Variants in CADPS2 observed in about 807,000 individuals in gnomAD.
The protein encoded by CADPS2 is calcium-dependent secretion activator 2.
Under a neutral mutation model 172.5 loss-of-function variants are expected in CADPS2, and 93 were observed. That is an observed-to-expected ratio of 0.54 (90% confidence interval 0.46 to 0.64). CADPS2 has a LOEUF of 0.64. Ranked by LOEUF, CADPS2 falls within the 30% of genes least tolerant of loss-of-function variation. The probability of loss-of-function intolerance (pLI) is 0.00; values close to 1 mark genes in which losing one functional copy is unlikely to be tolerated. For missense variants in CADPS2, 1,420 were observed against 1,565.9 expected (o/e 0.91, Z 1.57); for synonymous variants, 546 against 555.2 (o/e 0.98, Z 0.23).
rs372637509 is a variant in CADPS2 at position 122,883,238 on chromosome 7, G to C, written c.339+2761C>G. On this transcript the variant is annotated intron_variant, in intron 1 of 29. Coordinates refer to ENST00000449022, the MANE Select transcript of CADPS2 (RefSeq NM_017954.11). ...AGTTCTGGTTCATAGAAACTCACCA[G>C]CTCTAATAGTGAACGGGCTTTGACT... 1.2e-3 allele frequency among the ~76,000 whole-genome samples: 182 copies of C among 152,236 alleles called. 1 individual carries two copies. The highest frequency in any genetic ancestry group is 4.1e-3 in the African/African-American group (171 of 41,528).
intron 3 of CADPS2, 144 bp from the exon 4 acceptor site, chr7:122,629,472 G>T: frequency 2.2e-6 from 1 of 464,538 alleles, no homozygotes; most frequent in Non-Finnish European, 3.7e-6. Context: ...CTATTACAAA[G>T]AGAATACAGG....
chr7:122,497,351 T>C (rs1381866489), intron 9 of CADPS2, among the ~76,000 whole-genome samples: 1 of 152,188 alleles, frequency 6.6e-6, no homozygotes, highest in Non-Finnish European at 1.5e-5. Context: ...TTATCTTATC[T>C]TGCCCTTTGT....
intron 11 of CADPS2, 65 bp downstream of exon 11, chr7:122,490,016 G>C (rs1271938712): frequency 1.5e-6 from 2 of 1,348,708 alleles, no homozygotes; most frequent in East Asian, 2.4e-5. Flanking sequence ...GAATACATTT[G>C]CCTCAATTTT....
At chr7:122,321,870 G>A (rs1400815985) in intron 29 of CADPS2, among the ~76,000 whole-genome samples, 2 of 152,148 alleles carry the variant, frequency 1.3e-5, no homozygotes, top group Non-Finnish European at 2.9e-5. Flanking sequence ...TTTTAAAGTA[G>A]GAGAAAAAGT....
chr7:122,423,621 C>T (rs1286847710), intron 17 of CADPS2, among the ~76,000 whole-genome samples: 2 of 152,112 alleles, frequency 1.3e-5, no homozygotes, highest in East Asian at 1.9e-4. Context: ...TGACTGAAAC[C>T]CAAATGATAT....
chr7:122,490,027 A>G (rs576761858), intron 11 of CADPS2, 54 bp downstream of exon 11: 3 of 1,486,200 alleles, frequency 2.0e-6, no homozygotes, highest in Admixed American at 3.5e-5. Context: ...CCTCAATTTT[A>G]TATCTTATTA....
At chr7:122,668,571 T>C (rs764922048) in intron 2 of CADPS2, among the ~76,000 whole-genome samples, 6 of 152,024 alleles carry the variant, frequency 3.9e-5, no homozygotes, top group Admixed American at 3.9e-4. Flanking sequence ...AGGAGACGGT[T>C]TCAGAATAAG....
intron 1 of CADPS2, among the ~76,000 whole-genome samples, chr7:122,856,220 A>G (rs1815162810): frequency 1.3e-5 from 2 of 152,290 alleles, no homozygotes; most frequent in East Asian, 1.9e-4. Context: ...TTAAGTTACT[A>G]TTAGACATGC....
At chr7:122,463,357 T>C (rs574258502) in intron 14 of CADPS2, among the ~76,000 whole-genome samples, 2 of 152,088 alleles carry the variant, frequency 1.3e-5, no homozygotes, top group African/African-American at 4.8e-5. Context: ...TCTCGCTCTG[T>C]TGCCCAGGCT....
At chr7:122,630,874 G>T (rs2076512262) in intron 3 of CADPS2, among the ~76,000 whole-genome samples, 1 of 151,942 alleles carries the variant, frequency 6.6e-6, no homozygotes, top group Non-Finnish European at 1.5e-5. Context: ...AAACAGGCAA[G>T]ATTTTCTTAA....
At chr7:122,408,766 CA>C (rs1167462536) in intron 19 of CADPS2, among the ~76,000 whole-genome samples, 1 of 151,902 alleles carries the variant, frequency 6.6e-6, no homozygotes, top group African/African-American at 2.4e-5. Context: ...ATACAAACCA[CA>C]AAAAAGGGGA....
intron 17 of CADPS2, among the ~76,000 whole-genome samples, chr7:122,435,827 TA>T (rs921648236): frequency 6.6e-6 from 1 of 152,002 alleles, no homozygotes; most frequent in Non-Finnish European, 1.5e-5. Context: ...TATTCAGCCT[TA>T]AAAAAACAAA....
chr7:122,705,562 A>G (rs868302358), intron 2 of CADPS2, among the ~76,000 whole-genome samples: 24 of 103,376 alleles, frequency 2.3e-4, no homozygotes, highest in Middle Eastern at 4.8e-3. Context: ...TATTTATATT[A>G]TATATTATCT....
At chr7:122,568,808 G>A (rs558963336) in intron 7 of CADPS2, among the ~76,000 whole-genome samples, 2 of 152,060 alleles carry the variant, frequency 1.3e-5, no homozygotes, top group African/African-American at 4.8e-5. Context: ...CCAAGAACCT[G>A]AGCCAAAAAG....
At chr7:122,762,447 G>T (rs2093420178) in intron 1 of CADPS2, among the ~76,000 whole-genome samples, 1 of 152,100 alleles carries the variant, frequency 6.6e-6, no homozygotes, top group Admixed American at 6.6e-5. Context: ...GCAAATCATT[G>T]TAATACAAAG....
intron 15 of CADPS2, 25 bp from the exon 16 acceptor site, chr7:122,441,600 A>G (rs2051364348): frequency 2.1e-6 from 3 of 1,463,222 alleles, no homozygotes; most frequent in Non-Finnish European, 2.8e-6. Context: ...GAAAGAACAA[A>G]AGAGTCAAAC....
At chr7:122,675,754 G>A (rs1304872352) in intron 2 of CADPS2, among the ~76,000 whole-genome samples, 2 of 152,112 alleles carry the variant, frequency 1.3e-5, no homozygotes, top group East Asian at 1.9e-4. Flanking sequence ...TCACTCATAA[G>A]TGGGAGCTAA....
intron 2 of CADPS2, chr7:122,698,772 C>T (rs755306284): frequency 6.2e-7 from 1 of 1,613,952 alleles, no homozygotes; most frequent in Admixed American, 1.7e-5. Flanking sequence ...ACACATGATT[C>T]CCAACATGAA....
intron 10 of CADPS2, 97 bp from the exon 11 acceptor site, chr7:122,490,378 T>C (rs2058177221): frequency 1.2e-6 from 1 of 843,272 alleles, no homozygotes. Flanking sequence ...ATGGCTTTGA[T>C]ATTAGCAGTT....
Sources: allele counts gnomAD v4.1 joint callset (sites outside exome capture counted in the v4.1 genomes callset), GRCh38; gene constraint gnomAD v4.1.1; transcripts MANE v1.5; gene names NCBI Gene and HGNC (gene_info 2026-07-23, HGNC 2026-07-21).